Variants in LEF1 observed in about 807,000 individuals in gnomAD.
LEF1 encodes the protein lymphoid enhancer-binding factor 1.
Under a neutral mutation model 51.2 loss-of-function variants are expected in LEF1, and 14 were observed. The ratio of observed to expected loss-of-function variants is 0.27; its 90% CI spans 0.18 to 0.43. The LOEUF (loss-of-function observed/expected upper bound fraction) is 0.43. Ranked by LOEUF, LEF1 falls within the 20% of genes least tolerant of loss-of-function variation. The pLI is 1.00. For missense variants in LEF1, 386 were observed against 512.0 expected (o/e 0.75, Z 2.37); for synonymous variants, 185 against 183.2 (o/e 1.01, Z -0.08).
intron 1 of LEF1, chr4:108,166,798 G>C: frequency 1.0e-6 from 1 of 985,970 alleles, no homozygotes; most frequent in Non-Finnish European, 1.2e-6. Flanking sequence ...CCAAATAAAA[G>C]TTGTGGGTTT....
intron 3 of LEF1, among the ~76,000 whole-genome samples, chr4:108,098,915 T>C (rs1273165547): frequency 2.0e-5 from 3 of 152,228 alleles, no homozygotes; most frequent in Admixed American, 1.3e-4. Flanking sequence ...GTAAATTTGA[T>C]ATTTACACTG....
At chr4:108,161,628 C>A (rs1423234417) in intron 3 of LEF1, among the ~76,000 whole-genome samples, 7 of 152,156 alleles carry the variant, frequency 4.6e-5, no homozygotes, top group African/African-American at 1.7e-4. Context: ...AAACACAAGG[C>A]AGAATGCTGG....
At chr4:108,101,541 G>C (rs1740822463) in intron 3 of LEF1, among the ~76,000 whole-genome samples, 1 of 152,206 alleles carries the variant, frequency 6.6e-6, no homozygotes. Context: ...ATGTTCTCAA[G>C]ACAGTCTACT....
chr4:108,136,888 T>C (rs1386321353), intron 3 of LEF1, among the ~76,000 whole-genome samples: 1 of 152,204 alleles, frequency 6.6e-6, no homozygotes, highest in Non-Finnish European at 1.5e-5. Context: ...ACTAAATAGC[T>C]ACCAATAAGG....
intron 3 of LEF1, among the ~76,000 whole-genome samples, chr4:108,148,697 TG>T (rs1387239182): frequency 6.6e-6 from 1 of 152,224 alleles, no homozygotes; most frequent in Non-Finnish European, 1.5e-5. Flanking sequence ...ACGGAATGAA[TG>T]ATAAATCATT....
intron 3 of LEF1, among the ~76,000 whole-genome samples, chr4:108,104,909 T>C (rs1741057459): frequency 6.6e-6 from 1 of 152,132 alleles, no homozygotes; most frequent in Non-Finnish European, 1.5e-5. Flanking sequence ...AATTAGGGAA[T>C]GTGCAAGCCT....
intron 9 of LEF1, among the ~76,000 whole-genome samples, 186 bp from the exon 10 acceptor site, chr4:108,064,570 T>G (rs1047903223): frequency 6.6e-6 from 1 of 152,092 alleles, no homozygotes; most frequent in Non-Finnish European, 1.5e-5. Flanking sequence ...AGTGACCTGG[T>G]GACCTTTGTC....
chr4:108,149,642 T>A (rs993458440), intron 3 of LEF1, among the ~76,000 whole-genome samples: 14 of 149,856 alleles, frequency 9.3e-5, no homozygotes, highest in Non-Finnish European at 1.5e-4. Flanking sequence ...TATGTACATA[T>A]ATGTACATGT....
intron 3 of LEF1, among the ~76,000 whole-genome samples, chr4:108,103,510 G>C (rs553355023): frequency 2.0e-5 from 3 of 152,130 alleles, no homozygotes; most frequent in Non-Finnish European, 4.4e-5. Flanking sequence ...AATTCTTCCA[G>C]CTAACTAGAA....
chr4:108,153,059 G>C lies in LEF1; in HGVS notation c.414+10509C>G, dbSNP rs149881333. 1.9e-3 allele frequency among the ~76,000 whole-genome samples: 294 copies of C among 152,250 alleles called. 2 individuals carry two copies. Among genetic ancestry groups the C allele is most frequent in the African/African-American group, 6.7e-3 (277 of 41,538 alleles). The stretch of plus-strand genomic sequence containing the variant: ...ACCCTTTTCCCTTCCTCCCTAGCTT[G>C]GTCACTAAAGTAGGAACTGCTGCCC... On this transcript the variant is annotated intron_variant, in intron 3 of 11. Coordinates refer to ENST00000265165, the MANE Select transcript of LEF1 (RefSeq NM_016269.5).
intron 3 of LEF1, among the ~76,000 whole-genome samples, chr4:108,157,602 A>G (rs1679871641): frequency 6.6e-6 from 1 of 152,204 alleles, no homozygotes; most frequent in African/African-American, 2.4e-5. Flanking sequence ...CTTTTTAAAG[A>G]TTCTACTTGT....
At chr4:108,139,777 A>G (rs762521897) in intron 3 of LEF1, among the ~76,000 whole-genome samples, 9 of 152,232 alleles carry the variant, frequency 5.9e-5, no homozygotes, top group Non-Finnish European at 1.2e-4. Context: ...TTTTCTAAAA[A>G]TATGTAAAAA....
At chr4:108,130,438 G>C (rs1674367483) in intron 3 of LEF1, among the ~76,000 whole-genome samples, 1 of 151,976 alleles carries the variant, frequency 6.6e-6, no homozygotes, top group Non-Finnish European at 1.5e-5. Flanking sequence ...AGACCTTCCA[G>C]GCCAGGCGTG....
intron 3 of LEF1, among the ~76,000 whole-genome samples, chr4:108,117,658 G>A (rs1004541847): frequency 1.3e-5 from 2 of 152,204 alleles, no homozygotes; most frequent in African/African-American, 4.8e-5. Flanking sequence ...CCTTTCCCAG[G>A]GCTTTGATCA....
At chr4:108,108,258 T>C (rs1038374239) in intron 3 of LEF1, among the ~76,000 whole-genome samples, 7 of 152,212 alleles carry the variant, frequency 4.6e-5, no homozygotes, top group African/African-American at 7.2e-5. Flanking sequence ...TTGCAAGAGA[T>C]GACTGTTTTG....
At chr4:108,156,719 G>A (rs1744723914) in intron 3 of LEF1, among the ~76,000 whole-genome samples, 1 of 151,994 alleles carries the variant, frequency 6.6e-6, no homozygotes, top group Non-Finnish European at 1.5e-5. Flanking sequence ...AATTTTTATT[G>A]TAAGGTTTCC....
At chr4:108,076,317 T>C (rs115671913) in intron 8 of LEF1, among the ~76,000 whole-genome samples, 2,635 of 152,348 alleles carry the variant, frequency 0.017, 69 homozygotes, top group African/African-American at 0.06. Context: ...TGTACCTATT[T>C]TGGCTAATAG....
At chr4:108,163,105 G>A (rs947704918) in intron 3 of LEF1, among the ~76,000 whole-genome samples, 3 of 152,098 alleles carry the variant, frequency 2.0e-5, no homozygotes, top group East Asian at 1.9e-4. Context: ...AACATTGGCC[G>A]ATACAATAAA....
chr4:108,159,049 G>A (rs1400124109), intron 3 of LEF1, among the ~76,000 whole-genome samples: 1 of 151,888 alleles, frequency 6.6e-6, no homozygotes, highest in Non-Finnish European at 1.5e-5. Context: ...GAAACTACTA[G>A]GGTCATTTCA....
Sources: allele counts gnomAD v4.1 joint callset (sites outside exome capture counted in the v4.1 genomes callset), GRCh38; gene constraint gnomAD v4.1.1; transcripts MANE v1.5; gene names NCBI Gene and HGNC (gene_info 2026-07-23, HGNC 2026-07-21).